The following RASA1 variants were observed in gnomAD, a reference collection of about 807,000 sequenced individuals.
RASA1 encodes the protein ras GTPase-activating protein 1.
RASA1 carries 25 observed loss-of-function variants against 132.2 expected under a neutral mutation model. The observed-to-expected ratio is 0.19, with a 90% CI of 0.14 to 0.26. RASA1 has a LOEUF of 0.26. RASA1 is among the 10% of genes least tolerant of loss of function. The pLI is 1.00. For missense variants in RASA1, 964 were observed against 1,299.2 expected (o/e 0.74, Z 3.97); for synonymous variants, 477 against 449.9 (o/e 1.06, Z -0.76).
rs376932628 is a variant in RASA1 at position 87,339,043 on chromosome 5, G to C, written c.1017+952G>C. 2.6e-5 allele frequency among the ~76,000 whole-genome samples: 4 copies of C among 152,036 alleles called. No homozygotes were observed. The South Asian group carries it at 8.3e-4, about 32-fold the overall frequency. On this transcript the variant is annotated intron_variant, in intron 5 of 24. Transcript: ENST00000274376. ...ACTTTGGAATTCTCCCTTTCCTTTCGGATTTTTCTAGTGAGATGGAGTGGC... is the reference window on the plus strand; with the variant it reads ...ACTTTGGAATTCTCCCTTTCCTTTCCGATTTTTCTAGTGAGATGGAGTGGC...
At chr5:87,322,983 A>T (rs1172886297) in intron 1 of RASA1, among the ~76,000 whole-genome samples, 1 of 152,180 alleles carries the variant, frequency 6.6e-6, no homozygotes, top group African/African-American at 2.4e-5. Context: ...TATTCACCTT[A>T]AGGTGAAGAT....
intron 1 of RASA1, among the ~76,000 whole-genome samples, chr5:87,313,150 G>A (rs1756048858): frequency 6.6e-6 from 1 of 152,140 alleles, no homozygotes; most frequent in Non-Finnish European, 1.5e-5. Context: ...TTTAAGTGAG[G>A]AAACTCACAT....
chr5:87,343,179 T>C (rs1190633277), intron 6 of RASA1, among the ~76,000 whole-genome samples: 1 of 152,208 alleles, frequency 6.6e-6, no homozygotes, highest in African/African-American at 2.4e-5. Context: ...GGTATAACTT[T>C]GGTTGAATTT....
At chr5:87,297,780 T>C (rs947350405) in intron 1 of RASA1, among the ~76,000 whole-genome samples, 5 of 152,150 alleles carry the variant, frequency 3.3e-5, no homozygotes, top group Admixed American at 6.5e-5. Context: ...CTCCTGGAGG[T>C]AAAATTCACA....
intron 1 of RASA1, among the ~76,000 whole-genome samples, chr5:87,291,597 G>A (rs963840197): frequency 1.3e-5 from 2 of 152,170 alleles, no homozygotes; most frequent in Non-Finnish European, 2.9e-5. Flanking sequence ...CCTGGTGAGA[G>A]GGGTTTGGGT....
intron 23 of RASA1, 43 bp from the exon 24 acceptor site, chr5:87,389,347 AAAG>A (rs745880769): frequency 7.3e-5 from 118 of 1,611,542 alleles, no homozygotes; most frequent in Middle Eastern, 5.0e-4. Flanking sequence ...AAACAAAAAA[AAAG>A]AAGATTTGTA....
At chr5:87,302,928 T>G (rs1264597868) in intron 1 of RASA1, among the ~76,000 whole-genome samples, 7 of 152,118 alleles carry the variant, frequency 4.6e-5, no homozygotes, top group African/African-American at 1.4e-4. Flanking sequence ...TTGCCTGTGT[T>G]TTTTTCTAGA....
At chr5:87,304,450 C>T (rs1166681302) in intron 1 of RASA1, among the ~76,000 whole-genome samples, 1 of 151,702 alleles carries the variant, frequency 6.6e-6, no homozygotes, top group Non-Finnish European at 1.5e-5. Flanking sequence ...TGCATTATTG[C>T]TCTGCATGTT....
At chr5:87,342,398 A>C (rs1055757619) in intron 6 of RASA1, among the ~76,000 whole-genome samples, 2 of 152,046 alleles carry the variant, frequency 1.3e-5, no homozygotes, top group African/African-American at 4.8e-5. Flanking sequence ...ACCTCAAGTA[A>C]TCTACCAGCC....
chr5:87,327,968 CAA>C (rs777320325), intron 1 of RASA1, among the ~76,000 whole-genome samples: 19 of 111,932 alleles, frequency 1.7e-4, no homozygotes, highest in Admixed American at 2.7e-4. Flanking sequence ...CTCCGTTTCC[CAA>C]AAAAAAAAAA....
intron 18 of RASA1, 42 bp downstream of exon 18, chr5:87,378,580 T>C (rs1225950611): frequency 6.5e-7 from 1 of 1,537,788 alleles, no homozygotes; most frequent in Admixed American, 1.7e-5. Flanking sequence ...GCAAAGAACA[T>C]ATTTTAATAG....
intron 19 of RASA1, 69 bp from the exon 20 acceptor site, chr5:87,380,440 C>T: frequency 4.3e-6 from 6 of 1,380,108 alleles, no homozygotes; most frequent in Non-Finnish European, 6.2e-6. Flanking sequence ...GTAAATTAAG[C>T]TTTTGGCTGC....
intron 5 of RASA1, among the ~76,000 whole-genome samples, chr5:87,340,228 C>A (rs1445384980): frequency 1.3e-5 from 2 of 152,096 alleles, no homozygotes; most frequent in African/African-American, 2.4e-5. Flanking sequence ...CATATGTCAT[C>A]CCTGTTTCAC....
chr5:87,280,128 G>A (rs185767463), intron 1 of RASA1, among the ~76,000 whole-genome samples: 1 of 152,174 alleles, frequency 6.6e-6, no homozygotes, highest in Non-Finnish European at 1.5e-5. Context: ...GACTGCATTG[G>A]ATGGTGCCCA....
chr5:87,294,333 C>G (rs954200620), intron 1 of RASA1: 4 of 152,166 alleles, frequency 2.6e-5, no homozygotes, highest in Non-Finnish European at 4.4e-5. Flanking sequence ...GTGTCCTGTT[C>G]CCAGGGGTGT....
intron 4 of RASA1, among the ~76,000 whole-genome samples, chr5:87,337,269 T>A (rs1448071850): frequency 6.6e-6 from 1 of 152,012 alleles, no homozygotes; most frequent in Non-Finnish European, 1.5e-5. Flanking sequence ...AACATCTAGG[T>A]TTCAGTAAAA....
In RASA1 at chr5:87,390,976, GCA is replaced by G. The variant is rs1174492057; in HGVS notation, c.*97_*98del. ...TCTCCTTTGCTCTTGCCAAAAAATA[GCA>G]CACTTTTCCACATTCCAGTGATGTG... On this transcript the variant is annotated 3_prime_UTR_variant, in exon 25 of 25. Coordinates refer to ENST00000274376, the MANE Select transcript of RASA1 (RefSeq NM_002890.3). 3.1e-6 allele frequency: 4 copies of G among 1,286,122 alleles called. No homozygotes were observed. Among genetic ancestry groups the G allele is most frequent in the African/African-American group, 1.5e-5 (1 of 67,322 alleles). 79.7% of individuals were successfully genotyped at this position (1,286,122 alleles called of 1,614,324 possible). A position where few individuals can be genotyped will look rare whatever the true frequency, so the allele number is the denominator to read the frequency against.
chr5:87,271,107 G>A (rs535205749), intron 1 of RASA1, among the ~76,000 whole-genome samples: 32 of 152,104 alleles, frequency 2.1e-4, no homozygotes, highest in African/African-American at 7.7e-4. Context: ...GCGTGGTGGC[G>A]GGTGCCTGTA....
intron 17 of RASA1, among the ~76,000 whole-genome samples, chr5:87,377,565 G>T (rs945406433): frequency 4.6e-5 from 7 of 152,034 alleles, no homozygotes; most frequent in Non-Finnish European, 1.0e-4. Flanking sequence ...TTGAACTCCT[G>T]ACTTCAGGTG....
Sources: allele counts gnomAD v4.1 joint callset (sites outside exome capture counted in the v4.1 genomes callset), GRCh38; gene constraint gnomAD v4.1.1; transcripts MANE v1.5; gene names NCBI Gene and HGNC (gene_info 2026-07-23, HGNC 2026-07-21).